PRDM9: variants seen among roughly 807,000 people sequenced by gnomAD.
The protein encoded by PRDM9 is PR/SET domain 9, also known as histone-lysine N-methyltransferase PRDM9.
Under a neutral mutation model 55.6 loss-of-function variants are expected in PRDM9, and 47 were observed. The observed-to-expected ratio is 0.85, with a 90% CI of 0.67 to 1.08. The LOEUF (loss-of-function observed/expected upper bound fraction) is 1.08, where lower values mean the gene tolerates loss of function less well. Ranked by LOEUF, PRDM9 falls within the 50% of genes least tolerant of loss-of-function variation. The pLI, the probability that PRDM9 is intolerant of heterozygous loss-of-function variation, is 0.00. For missense variants in PRDM9, 867 were observed against 1,040.3 expected (o/e 0.83, Z 2.29); for synonymous variants, 312 against 375.7 (o/e 0.83, Z 1.96).
At chr5:23,509,836 CT>C (rs1739054480) in intron 3 of PRDM9, 83 bp from the exon 4 acceptor site, 1 of 1,471,366 alleles carries the variant, frequency 6.8e-7, no homozygotes, top group Non-Finnish European at 9.5e-7. Flanking sequence ...GCAGCACTGG[CT>C]TTGTGGTGCT....
At chr5:23,514,364 C>G (rs1360084105) in intron 4 of PRDM9, among the ~76,000 whole-genome samples, 1 of 152,160 alleles carries the variant, frequency 6.6e-6, no homozygotes, top group African/African-American at 2.4e-5. Context: ...CTCCATCTCA[C>G]TGTGTATTTA....
chr5:23,526,848 G>A lies in PRDM9; in HGVS notation c.1760G>A (p.Arg587Gln), dbSNP rs1739455874. 8 of 1,604,082 alleles carry A rather than the reference G, an allele frequency of 5.0e-6. No individual in the cohort carries two copies. The highest frequency in any genetic ancestry group is 1.4e-5 in the African/African-American group (1 of 72,296). Reference protein sequence around the residue: ...EKPYVCRECGRGFSWQSVLLT... With the variant: ...EKPYVCRECGQGFSWQSVLLT... ...CCCTATGTCTGCAGGGAGTGTGGGC[G>A]GGGCTTTAGCTGGCAGTCAGTCCTC... is the stretch of plus-strand genomic sequence containing the variant. Residue 587 changes from arginine to glutamine, a missense_variant, in exon 11 of 11, where the codon CGG becomes CAG. Physicochemically the swap from Arg to Gln is conservative, Grantham distance 43. Transcript: ENST00000296682.
At chr5:23,511,155 T>TCTTCTCA (rs1320624275) in intron 4 of PRDM9, among the ~76,000 whole-genome samples, 1 of 151,510 alleles carries the variant, frequency 6.6e-6, no homozygotes, top group Non-Finnish European at 1.5e-5. Flanking sequence ...GAAGACTCCG[T>TCTTCTCA]CTCAGGGCGG....
Position 23,510,008 on chromosome 5 carries a change from A to G in PRDM9, c.282A>G (p.Glu94=), listed in dbSNP as rs767590579. 4 of 1,612,378 alleles carry G rather than the reference A, an allele frequency of 2.5e-6. No individual in the cohort carries two copies. The Admixed American group carries it at 5.0e-5, about 20-fold the overall frequency. ...ATGACACAGAAGATTCTGATGAAGA[A>G]TGGACCCCTAGGCAGCAAGGTAAGA... The part of the protein sequence containing the change: ...QVDDTEDSDE[E]WTPRQQVKPP... Residue 94 remains glutamate, a synonymous_variant, in exon 4 of 11, where the codon GAA becomes GAG. Coordinates refer to ENST00000296682, the MANE Select transcript of PRDM9 (RefSeq NM_020227.4).
At chr5:23,515,026 C>T (rs550582492) in intron 4 of PRDM9, among the ~76,000 whole-genome samples, 8 of 150,100 alleles carry the variant, frequency 5.3e-5, no homozygotes, top group East Asian at 4.0e-4. Flanking sequence ...TGCAATGGAG[C>T]GATCTCAGCT....
At chr5:23,523,783 T>G (rs1739380174) in intron 9 of PRDM9, among the ~76,000 whole-genome samples, 1 of 152,096 alleles carries the variant, frequency 6.6e-6, no homozygotes, top group Admixed American at 6.6e-5. Flanking sequence ...AATAGAAAAA[T>G]GAATCAACTA....
chr5:23,515,598 G>A (rs961035385), intron 4 of PRDM9, among the ~76,000 whole-genome samples: 1 of 152,146 alleles, frequency 6.6e-6, no homozygotes, highest in Non-Finnish European at 1.5e-5. Context: ...TCATTTCAAT[G>A]TCATAAGCTT....
chr5:23,523,402 C>G (rs566834246), intron 9 of PRDM9, 44 bp downstream of exon 9: 1 of 1,560,380 alleles, frequency 6.4e-7, no homozygotes, highest in Admixed American at 1.7e-5. Flanking sequence ...ACCTTCATCT[C>G]TCACAAAGCT....
intron 9 of PRDM9, among the ~76,000 whole-genome samples, chr5:23,523,619 C>T (rs922416518): frequency 3.9e-5 from 6 of 152,008 alleles, no homozygotes; most frequent in African/African-American, 7.2e-5. Context: ...CCTAGATTCA[C>T]GGGGGACTCT....
intron 4 of PRDM9, among the ~76,000 whole-genome samples, chr5:23,512,218 G>A (rs1739112967): frequency 1.3e-5 from 2 of 152,000 alleles, no homozygotes; most frequent in Admixed American, 1.3e-4. Flanking sequence ...TTCTGGAGCG[G>A]GTTTGAGAGA....
At chr5:23,524,235 GAC>G (rs1017502318) in intron 9 of PRDM9, 97 bp from the exon 10 acceptor site, 3 of 1,486,474 alleles carry the variant, frequency 2.0e-6, no homozygotes, top group Admixed American at 3.4e-5. Context: ...GTCAGCACTA[GAC>G]CATGGAGGCC....
chr5:23,519,726 A>T lies in PRDM9; in HGVS notation c.352-1297A>T, dbSNP rs112500340. Among the ~76,000 whole-genome samples the T allele has an allele frequency of 3.0e-3, 452 of 151,940 alleles. 1 individual carries two copies. Among genetic ancestry groups the T allele is most frequent in the Non-Finnish European group, 5.1e-3 (347 of 67,978 alleles). ...TTCAAAAAACACTTTGGTGAACATT[A>T]TTATCTTTCATGTTCACTACAATAT... On this transcript the variant is annotated intron_variant, in intron 5 of 10. Transcript: ENST00000296682.
intron 1 of PRDM9, among the ~76,000 whole-genome samples, chr5:23,508,482 T>C (rs558089587): frequency 6.6e-6 from 1 of 152,252 alleles, no homozygotes; most frequent in African/African-American, 2.4e-5. Flanking sequence ...GCAGACTGCT[T>C]TACTCCTGGA....
In PRDM9 at chr5:23,522,686, G is replaced by C. The variant is rs751485824; in HGVS notation, c.683G>C (p.Ser228Thr). 6.2e-7 allele frequency: 1 copy of C among 1,614,210 alleles called. No individual in the cohort carries two copies. Among genetic ancestry groups the C allele is most frequent in the Non-Finnish European group, 8.5e-7 (1 of 1,180,038 alleles). The change falls in exon 8 of 11, where the codon AGT becomes ACT. Residue 228 changes from serine to threonine, a missense_variant. This residue lies in a region of PRDM9 where 662 missense variants were observed against 711.9 expected (regional missense o/e 0.93). Transcript: ENST00000296682. Reference protein sequence around the residue: ...AHGPPTFVKDSAVDKGHPNRS... With the variant: ...AHGPPTFVKDTAVDKGHPNRS... The stretch of plus-strand genomic sequence containing the variant: ...GGGCCCCCTACATTTGTAAAGGACA[G>C]TGCAGTGGACAAGGGGCACCCCAAC...
intron 6 of PRDM9, among the ~76,000 whole-genome samples, 186 bp downstream of exon 6, chr5:23,521,365 T>C (rs1270855763): frequency 1.3e-5 from 2 of 152,182 alleles, no homozygotes; most frequent in Non-Finnish European, 2.9e-5. Flanking sequence ...TGAGACAGAG[T>C]CTCACTCTGT....
rs754817289 is a variant in PRDM9 at position 23,527,673 on chromosome 5, G to T, written c.2585G>T (p.Cys862Phe). Residue 862 changes from cysteine (C) to phenylalanine (F), a missense_variant, in exon 11 of 11, where the codon TGC becomes TTC. Around this residue, in one of 5 missense-constraint regions of PRDM9, gnomAD observed 86 missense variants for 73.6 expected, o/e 1.17. Coordinates refer to ENST00000296682, the MANE Select transcript of PRDM9 (RefSeq NM_020227.4). Reference sequence around the variant, plus strand: ...CACACAGGGGAGAAGCCCTACGTCTGCAGGGAGTGTGGGCGGGGCTTTAGC... The same window carrying T: ...CACACAGGGGAGAAGCCCTACGTCTTCAGGGAGTGTGGGCGGGGCTTTAGC... Reference protein sequence around the residue: ...RTHTGEKPYVCRECGRGFSDR... With the variant: ...RTHTGEKPYVFRECGRGFSDR... 1.2e-5 allele frequency: 19 copies of T among 1,584,162 alleles called. No individual in the cohort carries two copies. Among genetic ancestry groups the T allele is most frequent in the South Asian group, 1.0e-4 (9 of 88,296 alleles).
At position 23,527,915 on chromosome 5, in the gene PRDM9, A is replaced by G; in HGVS notation, c.*142A>G. ...CCCCGAGAGTATAAAGAGATCGGAA[A>G]TAACTGATTAAACAAATCCGCCACT... is the stretch of plus-strand genomic sequence containing the variant. On this transcript the variant is annotated 3_prime_UTR_variant, in exon 11 of 11. Coordinates refer to ENST00000296682, the MANE Select transcript of PRDM9 (RefSeq NM_020227.4). The G allele has an allele frequency of 9.2e-7, 1 of 1,092,026 alleles. No individual in the cohort carries two copies. The highest frequency in any genetic ancestry group is 1.3e-6 in the Non-Finnish European group (1 of 741,662). The allele number at this position is 1,092,026 out of a possible 1,614,324, so 67.6% of individuals were successfully genotyped here.
intron 5 of PRDM9, among the ~76,000 whole-genome samples, chr5:23,520,208 TACA>T (rs962210696): frequency 6.6e-6 from 1 of 150,844 alleles, no homozygotes; most frequent in African/African-American, 2.4e-5. Context: ...CTAATAAATA[TACA>T]AAAATTAGCT....
rs1739507714 is a variant in PRDM9, at chr5:23,527,777, A to G, written c.*4A>G. The G allele has an allele frequency of 6.2e-7, 1 of 1,614,108 alleles. No homozygotes were observed. Among genetic ancestry groups the G allele is most frequent in the African/African-American group, 1.3e-5 (1 of 75,050 alleles). On this transcript the variant is annotated 3_prime_UTR_variant, in exon 11 of 11. Transcript: ENST00000296682. ...CGTCTGCAGGGAGGATGAGTAAGTC[A>G]TTAGTAATAAAACCTCATCTCAATA...
Sources: allele counts gnomAD v4.1 joint callset (sites outside exome capture counted in the v4.1 genomes callset), GRCh38; gene constraint gnomAD v4.1.1; regional missense constraint gnomAD v4.1.1; transcripts MANE v1.5; gene names NCBI Gene and HGNC (gene_info 2026-07-23, HGNC 2026-07-21).